CENPP: variants seen among roughly 807,000 people sequenced by gnomAD.
CENPP encodes centromere protein P.
In CENPP, 24 loss-of-function variants were observed where a neutral mutation model predicts 35.6. The ratio of observed to expected loss-of-function variants is 0.67; its 90% confidence interval spans 0.49 to 0.95. The LOEUF is 0.95. CENPP is among the 40% of genes least tolerant of loss of function. The probability of loss-of-function intolerance (pLI) is 0.00; values close to 1 mark genes in which losing one functional copy is unlikely to be tolerated. For missense variants in CENPP, 332 were observed against 345.3 expected, an observed-to-expected ratio of 0.96 and a Z score of 0.31; for synonymous variants, 120 against 125.5, an observed-to-expected ratio of 0.96 and a Z score of 0.29.
At chr9:92,588,236 T>TAAA in intron 5 of CENPP, among the ~76,000 whole-genome samples, 1 of 150,368 alleles carries the variant, frequency 6.7e-6, no homozygotes, top group South Asian at 2.1e-4. Flanking sequence ...GTGAGTTTTT[T>TAAA]GTTTGTTTGT....
chr9:92,556,050 C>T (rs1237928620), intron 5 of CENPP, among the ~76,000 whole-genome samples: 1 of 152,102 alleles, frequency 6.6e-6, no homozygotes, highest in Non-Finnish European at 1.5e-5. Flanking sequence ...CCTCTTAGCA[C>T]CACTTTGCTA....
At chr9:92,346,279 A>G (rs1287604768) in intron 4 of CENPP, among the ~76,000 whole-genome samples, 4 of 152,122 alleles carry the variant, frequency 2.6e-5, no homozygotes. Flanking sequence ...CTCCTGCCTT[A>G]GCCTCCCAAA....
chr9:92,491,553 C>T (rs1289780538), intron 5 of CENPP, among the ~76,000 whole-genome samples: 1 of 152,122 alleles, frequency 6.6e-6, no homozygotes, highest in African/African-American at 2.4e-5. Flanking sequence ...CTCATACCTT[C>T]CCGTCTTTAC....
At position 92,616,378 on chromosome 9, in the gene CENPP, G is replaced by T. The variant is rs1008467981; in HGVS notation, c.*3229G>T. The T allele has an allele frequency of 1.7e-5, 4 of 240,536 alleles. No homozygotes were observed. The highest frequency in any genetic ancestry group is 9.0e-5 in the African/African-American group (4 of 44,392). The allele number at this position is 240,536 out of a possible 1,614,324, so 14.9% of individuals were successfully genotyped here. A position where few individuals can be genotyped will look rare whatever the true frequency, so the allele number is the denominator to read the frequency against. The stretch of plus-strand genomic sequence containing the variant: ...GAGAGGGTTAAAGGACTGAAAGATG[G>T]AAAAGTAATTATGTGGAACATGTGA... On this transcript the variant is annotated 3_prime_UTR_variant, in exon 8 of 8. Coordinates refer to ENST00000375587, the MANE Select transcript of CENPP (RefSeq NM_001012267.3).
At chr9:92,518,840 G>A (rs1298293253) in intron 5 of CENPP, among the ~76,000 whole-genome samples, 1 of 152,194 alleles carries the variant, frequency 6.6e-6, no homozygotes, top group African/African-American at 2.4e-5. Flanking sequence ...AGTGAGCCAA[G>A]ATCGTTCCAC....
rs184456569 is a variant in CENPP, at chr9:92,478,691, G to A, written c.564+98832G>A. 2.2e-4 allele frequency among the ~76,000 whole-genome samples: 33 copies of A among 152,144 alleles called. No homozygotes were observed. The East Asian group carries it at 5.4e-3, about 25-fold the overall frequency. On this transcript the variant is annotated intron_variant, in intron 5 of 7. Coordinates refer to ENST00000375587, the MANE Select transcript of CENPP (RefSeq NM_001012267.3). ...AGGTCTTGAACTCCTGACCTTAAGCGATCCACCCATCTCGGCCTCCCAAAG... is the reference window on the plus strand; with the variant it reads ...AGGTCTTGAACTCCTGACCTTAAGCAATCCACCCATCTCGGCCTCCCAAAG...
intron 5 of CENPP, chr9:92,600,271 C>T: frequency 7.0e-7 from 1 of 1,422,978 alleles, no homozygotes; most frequent in South Asian, 1.6e-5. Flanking sequence ...CTGTCTCCTG[C>T]CCTGGCTCTC....
intron 5 of CENPP, among the ~76,000 whole-genome samples, chr9:92,572,341 C>A (rs1850164776): frequency 6.6e-6 from 1 of 152,276 alleles, no homozygotes; most frequent in Non-Finnish European, 1.5e-5. Context: ...TCCTCCTTCA[C>A]TTATGAAGTT....
intron 5 of CENPP, among the ~76,000 whole-genome samples, chr9:92,520,076 A>G (rs944131581): frequency 1.3e-5 from 1 of 79,442 alleles, no homozygotes; most frequent in Non-Finnish European, 2.4e-5. Flanking sequence ...GAGGCCAGGA[A>G]TTTGAGAACG....
At chr9:92,537,145 G>A (rs374116488) in intron 5 of CENPP, among the ~76,000 whole-genome samples, 3 of 151,630 alleles carry the variant, frequency 2.0e-5, no homozygotes, top group African/African-American at 7.3e-5. Context: ...CAAAGTGCTG[G>A]GATTACAGGC....
chr9:92,545,322 T>C (rs910692482), intron 5 of CENPP, among the ~76,000 whole-genome samples: 2 of 151,864 alleles, frequency 1.3e-5, no homozygotes, highest in Non-Finnish European at 2.9e-5. Flanking sequence ...GCAGGCCAGC[T>C]AGAGTTCTGG....
At chr9:92,372,131 T>A (rs1435642849) in intron 4 of CENPP, among the ~76,000 whole-genome samples, 22 of 105,280 alleles carry the variant, frequency 2.1e-4, no homozygotes, top group Admixed American at 5.9e-4. Context: ...TTTTTTTTTT[T>A]AACTGTTCTT....
intron 5 of CENPP, among the ~76,000 whole-genome samples, chr9:92,601,666 T>C (rs1003983438): frequency 2.0e-5 from 3 of 152,180 alleles, no homozygotes; most frequent in Non-Finnish European, 4.4e-5. Context: ...TCACGCTCCA[T>C]GTGCCCACAG....
chr9:92,528,079 A>C (rs1411164664), intron 5 of CENPP: 2 of 152,502 alleles, frequency 1.3e-5, no homozygotes, highest in African/African-American at 4.8e-5. Flanking sequence ...CCATTACACC[A>C]GTATTATGAC....
intron 5 of CENPP, chr9:92,474,640 T>A (rs1319876531): frequency 6.2e-7 from 1 of 1,612,774 alleles, no homozygotes. Flanking sequence ...CTGAGCAATG[T>A]ACAACTCGTG....
Position 92,368,160 on chromosome 9 carries a change from A to T in CENPP, c.468-11603A>T, listed in dbSNP as rs190080438. Among the ~76,000 whole-genome samples, 6 of 152,354 alleles carry T rather than the reference A, an allele frequency of 3.9e-5. No homozygotes were observed. The East Asian group carries it at 1.2e-3, about 29-fold the overall frequency. ...CAGAATCAGGAATGATGATGATGCT[A>T]TATAGCCATAGATCATCTACATGGG... is the stretch of plus-strand genomic sequence containing the variant. On this transcript the variant is annotated intron_variant, in intron 4 of 7. Coordinates refer to ENST00000375587, the MANE Select transcript of CENPP (RefSeq NM_001012267.3).
At chr9:92,527,095 G>A (rs535260094) in intron 5 of CENPP, among the ~76,000 whole-genome samples, 2 of 152,210 alleles carry the variant, frequency 1.3e-5, no homozygotes, top group Admixed American at 6.5e-5. Flanking sequence ...TGCAACCTCC[G>A]CTTCCTGGGC....
At chr9:92,558,749 G>C (rs1478848033) in intron 5 of CENPP, among the ~76,000 whole-genome samples, 1 of 152,104 alleles carries the variant, frequency 6.6e-6, no homozygotes, top group Non-Finnish European at 1.5e-5. Context: ...GATAGGAAAG[G>C]ACCATCAGGT....
At chr9:92,515,214 C>T (rs370125693) in intron 5 of CENPP, 360 of 1,535,376 alleles carry the variant, frequency 2.3e-4, no homozygotes, top group Non-Finnish European at 2.8e-4. Flanking sequence ...CTAATGACCA[C>T]GCAAGGATGA....
Sources: gnomAD v4.1 joint callset for allele counts (sites outside exome capture counted in the v4.1 genomes callset) on GRCh38, gnomAD v4.1.1 for gene constraint, MANE v1.5 for transcripts, NCBI Gene and HGNC (gene_info 2026-07-23, HGNC 2026-07-21) for gene names.